ADAMTSL3: variants seen among roughly 807,000 people sequenced by gnomAD.
ADAMTSL3 encodes the protein ADAMTS like 3, also known as ADAMTS-like protein 3.
ADAMTSL3 carries 128 observed loss-of-function variants against 201.7 expected under a neutral mutation model. The ratio of observed to expected loss-of-function variants is 0.63; its 90% CI spans 0.55 to 0.73. The LOEUF is 0.73. ADAMTSL3 is among the 30% of genes least tolerant of loss of function. ADAMTSL3 has a pLI of 0.00. For missense variants in ADAMTSL3, 1,990 were observed against 2,119.6 expected (o/e 0.94, Z 1.20); for synonymous variants, 738 against 748.4 (o/e 0.99, Z 0.23).
chr15:83,704,132 G>C (rs187897692), intron 2 of ADAMTSL3, among the ~76,000 whole-genome samples: 1 of 152,182 alleles, frequency 6.6e-6, no homozygotes, highest in South Asian at 2.1e-4. Context: ...GTAGCGGGGA[G>C]GGGGAGAGAG....
intron 8 of ADAMTSL3, among the ~76,000 whole-genome samples, chr15:83,870,002 A>C (rs1355755041): frequency 6.6e-6 from 1 of 152,232 alleles, no homozygotes; most frequent in Non-Finnish European, 1.5e-5. Context: ...AAAATAAAAG[A>C]AAGAAAAGAA....
chr15:83,804,552 G>T, intron 4 of ADAMTSL3, 98 bp from the exon 5 acceptor site: 1 of 775,372 alleles, frequency 1.3e-6, no homozygotes, highest in South Asian at 1.9e-5. Context: ...AGTTTTACAG[G>T]GAACCAATGC....
intron 4 of ADAMTSL3, among the ~76,000 whole-genome samples, chr15:83,777,863 C>T (rs1286155942): frequency 1.3e-5 from 2 of 152,262 alleles, no homozygotes; most frequent in East Asian, 3.9e-4. Context: ...TCCAAGGAAG[C>T]TAAAAACCAT....
rs1331586386 is a variant in ADAMTSL3, at chr15:83,874,905, G to A, written c.960+3946G>A. 1.4e-5 allele frequency among the ~76,000 whole-genome samples: 2 copies of A among 145,612 alleles called. 1 individual carries two copies. Among genetic ancestry groups the A allele is most frequent in the Non-Finnish European group, 3.0e-5 (2 of 66,786 alleles). ...GAACAAGACGATGTGATCTCCGGAA[G>A]CCCGGTAGGCGTTTGTCTTTCTTGT... On this transcript the variant is annotated intron_variant, in intron 9 of 29. Transcript: ENST00000286744.
intron 7 of ADAMTSL3, among the ~76,000 whole-genome samples, chr15:83,852,123 T>A (rs1247183827): frequency 6.6e-6 from 1 of 152,174 alleles, no homozygotes; most frequent in Non-Finnish European, 1.5e-5. Context: ...CTTGTTTTTT[T>A]TGTTTTTGAG....
At chr15:83,813,252 G>A (rs998620244) in intron 5 of ADAMTSL3, among the ~76,000 whole-genome samples, 8 of 152,164 alleles carry the variant, frequency 5.3e-5, no homozygotes, top group South Asian at 2.1e-4. Flanking sequence ...TGAAAGAGAC[G>A]CAACTGAAGG....
chr15:83,762,036 T>C (rs916754381), intron 3 of ADAMTSL3, among the ~76,000 whole-genome samples: 1 of 151,856 alleles, frequency 6.6e-6, no homozygotes, highest in Non-Finnish European at 1.5e-5. Context: ...AGTGCTTGCA[T>C]AGGTACATCC....
chr15:83,893,013 C>T, intron 13 of ADAMTSL3, 125 bp downstream of exon 13: 1 of 858,362 alleles, frequency 1.2e-6, no homozygotes, highest in Non-Finnish European at 1.8e-6. Context: ...ATGGTTCCTA[C>T]TCCAAAGAGC....
At chr15:84,009,244 C>G (rs2141880995) in intron 23 of ADAMTSL3, among the ~76,000 whole-genome samples, 1 of 152,298 alleles carries the variant, frequency 6.6e-6, no homozygotes, top group African/African-American at 2.4e-5. Context: ...CTTCTCTGAC[C>G]TTGTCACCTA....
intron 19 of ADAMTSL3, among the ~76,000 whole-genome samples, chr15:83,966,049 T>G (rs1291444552): frequency 4.6e-5 from 7 of 152,124 alleles, no homozygotes; most frequent in Admixed American, 2.6e-4. Flanking sequence ...TAGAGAGAAA[T>G]TTATAGCACT....
chr15:83,884,338 CTTTTT>C (rs35308485), intron 9 of ADAMTSL3, among the ~76,000 whole-genome samples: 5 of 114,488 alleles, frequency 4.4e-5, no homozygotes, highest in Non-Finnish European at 5.2e-5. Context: ...GCCCTATTTC[CTTTTT>C]TTTTTTTTTT....
intron 3 of ADAMTSL3, among the ~76,000 whole-genome samples, chr15:83,714,761 C>CTCTTTCTTTGTTTCTTTCTTTCTTTCTT (rs2061979853): frequency 2.4e-5 from 1 of 41,454 alleles, no homozygotes; most frequent in Non-Finnish European, 5.3e-5. Flanking sequence ...CTTCCCTTTT[C>CTCTTTCTTTGTTTCTTTCTTTCTTTCTT]TCTTTCTTTC....
At chr15:83,719,052 C>G (rs574661190) in intron 3 of ADAMTSL3, among the ~76,000 whole-genome samples, 14 of 152,046 alleles carry the variant, frequency 9.2e-5, no homozygotes, top group Non-Finnish European at 1.9e-4. Context: ...ATATCAAAGC[C>G]AATAAAGTCG....
At chr15:83,717,733 A>T (rs2062039508) in intron 3 of ADAMTSL3, among the ~76,000 whole-genome samples, 1 of 152,240 alleles carries the variant, frequency 6.6e-6, no homozygotes, top group South Asian at 2.1e-4. Flanking sequence ...TATGATTCCC[A>T]TTGGTGGTGG....
chr15:83,743,390 G>C (rs1239361595), intron 3 of ADAMTSL3, among the ~76,000 whole-genome samples: 1 of 151,944 alleles, frequency 6.6e-6, no homozygotes, highest in East Asian at 1.9e-4. Context: ...GCGGGCGCCT[G>C]TAGTCCCAGC....
intron 3 of ADAMTSL3, among the ~76,000 whole-genome samples, chr15:83,721,485 A>G (rs1372107237): frequency 6.6e-6 from 1 of 152,206 alleles, no homozygotes; most frequent in African/African-American, 2.4e-5. Context: ...TTGGGTGAAC[A>G]AAGTATCTTT....
At chr15:83,800,440 G>T (rs1402150899) in intron 4 of ADAMTSL3, among the ~76,000 whole-genome samples, 1 of 152,016 alleles carries the variant, frequency 6.6e-6, no homozygotes, top group African/African-American at 2.4e-5. Context: ...GGTGGCAATG[G>T]AGTGTAGACC....
At chr15:83,966,393 T>G (rs1362058790) in intron 19 of ADAMTSL3, among the ~76,000 whole-genome samples, 1 of 152,106 alleles carries the variant, frequency 6.6e-6, no homozygotes. Context: ...GAGAATACTA[T>G]AAACACCTCT....
intron 4 of ADAMTSL3, among the ~76,000 whole-genome samples, chr15:83,776,242 C>T (rs114552701): frequency 5.6e-4 from 86 of 152,302 alleles, no homozygotes; most frequent in African/African-American, 1.8e-3. Flanking sequence ...CACAGCACAC[C>T]TTTCTCAATG....
Sources: allele counts gnomAD v4.1 joint callset (sites outside exome capture counted in the v4.1 genomes callset), GRCh38; gene constraint gnomAD v4.1.1; transcripts MANE v1.5; gene names NCBI Gene and HGNC (gene_info 2026-07-23, HGNC 2026-07-21).